Variants in PXMP2 observed in about 807,000 individuals in gnomAD.
PXMP2 encodes peroxisomal membrane protein 2.
Under a neutral mutation model 20.2 loss-of-function variants are expected in PXMP2, and 13 were observed. That is an observed-to-expected ratio of 0.64 (90% CI 0.42 to 1.02). The LOEUF (loss-of-function observed/expected upper bound fraction) is 1.02, where lower values mean the gene tolerates loss of function less well. PXMP2 is among the 50% of genes least tolerant of loss of function. The probability of loss-of-function intolerance (pLI) is 0.00; values close to 1 mark genes in which losing one functional copy is unlikely to be tolerated. For missense variants in PXMP2, 284 were observed against 251.8 expected, an observed-to-expected ratio of 1.13 and a Z score of -0.87; for synonymous variants, 113 against 111.2, an observed-to-expected ratio of 1.02 and a Z score of -0.10.
At position 132,696,890 on chromosome 12, in the gene PXMP2, G is replaced by A. The variant is rs1219340948; in HGVS notation, c.399+844G>A. The stretch of plus-strand genomic sequence containing the variant: ...CTCGGGAGGCTGAGGCAGGAGAATC[G>A]CTTGAAGCCGGGAGGTGGAGGTTGT... On this transcript the variant is annotated intron_variant, in intron 3 of 4. Transcript: ENST00000317479. This position sits in a 1 kb window ranked among gnomAD's most constrained non-coding sequence, Gnocchi z 4.4. Among the ~76,000 whole-genome samples, 2 of 152,050 alleles carry A rather than the reference G, an allele frequency of 1.3e-5. No individual in the cohort carries two copies. Among genetic ancestry groups the A allele is most frequent in the Non-Finnish European group, 2.9e-5 (2 of 68,014 alleles).
At chr12:132,690,550 T>C (rs1487662065) in intron 2 of PXMP2, among the ~76,000 whole-genome samples, 174 bp downstream of exon 2, 2 of 149,474 alleles carry the variant, frequency 1.3e-5, no homozygotes. Context: ...ATGGCATATA[T>C]ACGCATACGT....
chr12:132,688,057 C>A, intron 1 of PXMP2: 1 of 222,496 alleles, frequency 4.5e-6, no homozygotes, highest in South Asian at 1.0e-4. Flanking sequence ...TGAGGTTCCA[C>A]CCAAGGACCC....
At chr12:132,703,361 C>T (rs1164409312) in intron 4 of PXMP2, among the ~76,000 whole-genome samples, 3 of 152,026 alleles carry the variant, frequency 2.0e-5, no homozygotes, top group South Asian at 4.2e-4. Flanking sequence ...CTCAGAGATG[C>T]GGCCATGGTG....
intron 1 of PXMP2, among the ~76,000 whole-genome samples, chr12:132,688,649 G>A (rs1176855894): frequency 2.8e-5 from 1 of 35,624 alleles, no homozygotes; most frequent in African/African-American, 9.2e-5. Flanking sequence ...GACAGGGCCA[G>A]GGGAGCGGGT....
At chr12:132,699,383 C>CA (rs2043426268) in intron 3 of PXMP2, among the ~76,000 whole-genome samples, 1 of 152,080 alleles carries the variant, frequency 6.6e-6, no homozygotes, top group Non-Finnish European at 1.5e-5. Flanking sequence ...TGCACTCCAG[C>CA]CAGCATGGGC....
At chr12:132,692,703 T>A (rs2136061154) in intron 2 of PXMP2, among the ~76,000 whole-genome samples, 1 of 140,352 alleles carries the variant, frequency 7.1e-6, no homozygotes, top group African/African-American at 2.8e-5. Context: ...TGCCAGTTAG[T>A]TAGTGAGCAC....
rs550273500 is a variant in PXMP2 at position 132,690,175 on chromosome 12, C to T, written c.123-88C>T. ...TACCCCCCGCCCATCTGCTGCATGG[C>T]CTCAGAACGGCCCTGCTAATTCACC... On this transcript the variant is annotated intron_variant, in intron 1 of 4. Coordinates refer to ENST00000317479, the MANE Select transcript of PXMP2 (RefSeq NM_018663.3). The T allele has an allele frequency of 6.5e-4, 661 of 1,009,456 alleles. 11 individuals carry two copies. In the South Asian group the frequency reaches 8.6e-3, roughly 13 times the overall value. 62.5% of individuals were successfully genotyped at this position (1,009,456 alleles called of 1,614,324 possible).
Position 132,701,713 on chromosome 12 carries a change from C to G in PXMP2, c.519+344C>G, listed in dbSNP as rs1313433483. On this transcript the variant is annotated intron_variant, in intron 4 of 4. Transcript: ENST00000317479. ...TTCTAGCCTTTGAAACATTCCCAGTCCCAGGAATGTACATGCAGGCAACTT... is the reference window on the plus strand; with the variant it reads ...TTCTAGCCTTTGAAACATTCCCAGTGCCAGGAATGTACATGCAGGCAACTT... 9 of 300,286 alleles carry G rather than the reference C, an allele frequency of 3.0e-5. No individual in the cohort carries two copies. The East Asian group carries it at 9.4e-4, about 31-fold the overall frequency. 18.6% of individuals were successfully genotyped at this position (300,286 alleles called of 1,614,324 possible).
Position 132,690,395 on chromosome 12 carries a change from G to A in PXMP2, c.236+19G>A, listed in dbSNP as rs1319729151. ...TTTACGGGTGAGTGCCATACAAGGG[G>A]TGGGTTTACCTTGTAGCCGCTGAGT... On this transcript the variant is annotated intron_variant, in intron 2 of 4. Transcript: ENST00000317479. 23 of 1,591,836 alleles carry A rather than the reference G, an allele frequency of 1.4e-5. No individual in the cohort carries two copies. In the East Asian group the frequency reaches 4.5e-4, roughly 31 times the overall value.
At chr12:132,692,540 GCCCTTGCCAGTTAGTTAGTGAGCA>G (rs1565990560) in intron 2 of PXMP2, among the ~76,000 whole-genome samples, 6 of 57,244 alleles carry the variant, frequency 1.0e-4, no homozygotes, top group East Asian at 4.2e-4. Context: ...GTTAGTGAGC[GCCCTTGCCAGTTAGTTAGTGAGCA>G]CCCTTGCCAG....
At chr12:132,695,430 C>T (rs1365103855) in intron 2 of PXMP2, among the ~76,000 whole-genome samples, 3 of 152,338 alleles carry the variant, frequency 2.0e-5, no homozygotes, top group African/African-American at 7.2e-5. Context: ...GAGTGCTTCT[C>T]GAAGCCTGGC....
chr12:132,704,582 C>G (rs368947104), intron 4 of PXMP2, 37 bp from the exon 5 acceptor site: 6 of 1,392,418 alleles, frequency 4.3e-6, no homozygotes, highest in Non-Finnish European at 5.6e-6. Flanking sequence ...CACGGCCTCC[C>G]GCTGACCGTG....
intron 1 of PXMP2, among the ~76,000 whole-genome samples, chr12:132,689,619 G>A (rs974188183): frequency 6.6e-6 from 1 of 152,196 alleles, no homozygotes; most frequent in African/African-American, 2.4e-5. Flanking sequence ...TTATAGTCCA[G>A]AGAGCTTCTC....
chr12:132,700,162 C>T (rs1160561412), intron 3 of PXMP2, among the ~76,000 whole-genome samples: 2 of 151,910 alleles, frequency 1.3e-5, no homozygotes, highest in African/African-American at 4.8e-5. Flanking sequence ...CTGCCTCAGC[C>T]TCCTGAGTAG....
intron 2 of PXMP2, among the ~76,000 whole-genome samples, chr12:132,692,833 AGCCAGTTAGTGAGCTCCCTT>A (rs1336565672): frequency 8.2e-4 from 70 of 85,372 alleles, no homozygotes; most frequent in African/African-American, 2.8e-3. Flanking sequence ...GAGCTCCCTT[AGCCAGTTAGTGAGCTCCCTT>A]GCCAGTTAGT....
rs1164615692 is a variant in PXMP2 at position 132,701,535 on chromosome 12, A to AT, written c.519+166_519+167insT. 4.2e-6 allele frequency: 4 copies of AT among 962,342 alleles called. No individual in the cohort carries two copies. The African/African-American group carries it at 6.9e-5, about 16-fold the overall frequency. The allele number at this position is 962,342 out of a possible 1,614,324, so 59.6% of individuals were successfully genotyped here. ...GTTTCATCCGTGTCTAGACTCCTCA[A>AT]CTACCCTTGGATTTTGCCCATGACC... is the stretch of plus-strand genomic sequence containing the variant. On this transcript the variant is annotated intron_variant, in intron 4 of 4. Transcript: ENST00000317479.
At position 132,687,663 on chromosome 12, in the gene PXMP2, G is replaced by T; in HGVS notation, c.-8G>T. On this transcript the variant is annotated 5_prime_UTR_variant, in exon 1 of 5. Coordinates refer to ENST00000317479, the MANE Select transcript of PXMP2 (RefSeq NM_018663.3). ...CGGTGCCCCCGGCGGCACGGCGCTG[G>T]GGAGGCGATGGCGCCGGCCGCGTCC... 8.6e-7 allele frequency: 1 copy of T among 1,168,132 alleles called. No individual in the cohort carries two copies. The highest frequency in any genetic ancestry group is 1.1e-6 in the Non-Finnish European group (1 of 951,068). The allele number at this position is 1,168,132 out of a possible 1,614,324, so 72.4% of individuals were successfully genotyped here. A position where few individuals can be genotyped will look rare whatever the true frequency, so the allele number is the denominator to read the frequency against.
intron 4 of PXMP2, chr12:132,701,753 G>T: frequency 4.0e-6 from 1 of 249,732 alleles, no homozygotes. Flanking sequence ...CTATGCTCCT[G>T]GGTTGCAGTC....
intron 1 of PXMP2, chr12:132,688,039 G>T (rs1038434242): frequency 2.9e-5 from 7 of 239,184 alleles, no homozygotes; most frequent in African/African-American, 1.4e-4. Context: ...AGACCCGGGG[G>T]TCGGCGCTGA....
Sources: gnomAD v4.1 joint callset for allele counts (sites outside exome capture counted in the v4.1 genomes callset) on GRCh38, gnomAD v4.1.1 for gene constraint, Gnocchi (gnomAD v3.1) non-coding constraint, MANE v1.5 for transcripts, NCBI Gene and HGNC (gene_info 2026-07-23, HGNC 2026-07-21) for gene names.